Variants in PLAAT5 observed in about 807,000 individuals in gnomAD.
PLAAT5 encodes Ca(2+)-independent N-acyltransferase.
A neutral mutation model predicts 27.8 loss-of-function variants in PLAAT5; 27 were observed. The observed-to-expected ratio is 0.97, with a 90% CI of 0.72 to 1.34. PLAAT5 has a LOEUF of 1.34. Ranked by LOEUF, PLAAT5 falls within the 40% of genes most tolerant of loss-of-function variation. The probability of loss-of-function intolerance (pLI) is 0.00; values close to 1 mark genes in which losing one functional copy is unlikely to be tolerated. For synonymous variants in PLAAT5, 125 were observed against 136.1 expected (o/e 0.92, Z 0.57); for missense variants, 368 against 343.8 (o/e 1.07, Z -0.56).
intron 3 of PLAAT5, among the ~76,000 whole-genome samples, chr11:63,476,606 A>C (rs980140070): frequency 1.3e-5 from 2 of 152,086 alleles, no homozygotes; most frequent in African/African-American, 4.8e-5. Context: ...TCTTGTATAC[A>C]ATAAGTCTTT....
In PLAAT5 at chr11:63,463,351, T is replaced by G; in HGVS notation, c.*152A>C. ...TGGGTCTATGCTCGTATATATTGGA[T>G]GTATTTCTGGAAGGGTAATTGGATA... is the stretch of plus-strand genomic sequence containing the variant. On this transcript the variant is annotated 3_prime_UTR_variant, in exon 6 of 6. Coordinates refer to ENST00000540857, the MANE Select transcript of PLAAT5 (RefSeq NM_001146729.2). 1.4e-6 allele frequency: 1 copy of G among 691,886 alleles called. No individual in the cohort carries two copies. The highest frequency in any genetic ancestry group is 1.6e-5 in the South Asian group (1 of 61,372). The allele number at this position is 691,886 out of a possible 1,614,324, so 42.9% of individuals were successfully genotyped here.
At chr11:63,480,928 C>A (rs1389625272) in intron 3 of PLAAT5, among the ~76,000 whole-genome samples, 1 of 152,184 alleles carries the variant, frequency 6.6e-6, no homozygotes, top group African/African-American at 2.4e-5. Context: ...AATTCGAAAG[C>A]CTTGTCTTCA....
chr11:63,469,956 GC>G (rs1252189595), intron 3 of PLAAT5: 1 of 152,228 alleles, frequency 6.6e-6, no homozygotes, highest in African/African-American at 2.4e-5. Context: ...AGGCTTGGTG[GC>G]ACGCACCTAC....
chr11:63,464,706 GA>G (rs1233768167), intron 5 of PLAAT5, among the ~76,000 whole-genome samples: 1 of 152,148 alleles, frequency 6.6e-6, no homozygotes, highest in African/African-American at 2.4e-5. Flanking sequence ...TCATCTCATG[GA>G]GTTTTAGTAA....
At chr11:63,474,983 A>C (rs2016118507) in intron 3 of PLAAT5, among the ~76,000 whole-genome samples, 1 of 152,044 alleles carries the variant, frequency 6.6e-6, no homozygotes, top group South Asian at 2.1e-4. Flanking sequence ...CTTGGCTATT[A>C]ATTTCTAATT....
At chr11:63,476,143 A>G (rs1179100993) in intron 3 of PLAAT5, among the ~76,000 whole-genome samples, 1 of 152,132 alleles carries the variant, frequency 6.6e-6, no homozygotes, top group African/African-American at 2.4e-5. Flanking sequence ...GCTTCATTTC[A>G]GTCCCTCTCC....
At chr11:63,480,293 G>A (rs930135174) in intron 3 of PLAAT5, among the ~76,000 whole-genome samples, 5 of 152,156 alleles carry the variant, frequency 3.3e-5, no homozygotes, top group African/African-American at 1.2e-4. Flanking sequence ...TCATTGTGAG[G>A]CCAATCTAAG....
rs2015866021 is a variant in PLAAT5, at chr11:63,466,354, C to T, written c.473G>A (p.Gly158Asp). 1 of 1,613,902 alleles carries T rather than the reference C, an allele frequency of 6.2e-7. No homozygotes were observed. The highest frequency in any genetic ancestry group is 8.5e-7 in the Non-Finnish European group (1 of 1,179,988). ...LAPPSEEFEV[G>D]SITSIFSNRA... The stretch of plus-strand genomic sequence containing the variant: ...ATTGCTAAAGATGGAAGTAATGCTG[C>T]CCACCTCAAACTCCTCACCTGGAGA... Residue 158 changes from glycine (G) to aspartate (D), a missense_variant, in exon 5 of 6, where the codon GGC (glycine) becomes GAC (aspartate). Transcript: ENST00000540857.
intron 3 of PLAAT5, among the ~76,000 whole-genome samples, chr11:63,484,141 T>C (rs1319593328): frequency 4.7e-5 from 7 of 150,066 alleles, no homozygotes; most frequent in Admixed American, 4.6e-4. Context: ...ACAGTAATTT[T>C]TAAAAATGCC....
chr11:63,477,981 C>T (rs1328418065), intron 3 of PLAAT5, among the ~76,000 whole-genome samples: 3 of 152,224 alleles, frequency 2.0e-5, no homozygotes, highest in Non-Finnish European at 4.4e-5. Context: ...GACCACCAGA[C>T]ACATGTGGCA....
At chr11:63,466,820 G>A (rs1415333180) in intron 4 of PLAAT5, among the ~76,000 whole-genome samples, 2 of 152,144 alleles carry the variant, frequency 1.3e-5, no homozygotes, top group African/African-American at 2.4e-5. Flanking sequence ...GCTGCCACAG[G>A]GACACAGGGG....
chr11:63,477,986 G>C (rs2016192469), intron 3 of PLAAT5, among the ~76,000 whole-genome samples: 1 of 152,178 alleles, frequency 6.6e-6, no homozygotes, highest in Admixed American at 6.5e-5. Context: ...CCAGACACAT[G>C]TGGCAGCTTT....
Position 63,466,213 on chromosome 11 carries a change from C to T in PLAAT5, c.614G>A (p.Arg205His), listed in dbSNP as rs199850890. 47 of 1,614,074 alleles carry T rather than the reference C, an allele frequency of 2.9e-5. No individual in the cohort carries two copies. The highest frequency in any genetic ancestry group is 3.3e-4 in the Middle Eastern group (2 of 6,062). The change falls in exon 5 of 6, where the codon CGT (arginine) becomes CAT (histidine). Residue 205 changes from arginine (R) to histidine (H), a missense_variant. By Grantham distance (29) the Arg-to-His change is conservative. Transcript: ENST00000540857. ...GATCTTGTTGACCATCTTTTTTGTACGCTGGATGATCTTGTCCACCGGCAA... is the reference window on the plus strand; with the variant it reads ...GATCTTGTTGACCATCTTTTTTGTATGCTGGATGATCTTGTCCACCGGCAA... Reference protein sequence around the residue: ...LPLPVDKIIQRTKKMVNKIVQ... With the variant: ...LPLPVDKIIQHTKKMVNKIVQ...
intron 4 of PLAAT5, among the ~76,000 whole-genome samples, chr11:63,467,988 G>A (rs562881543): frequency 4.6e-5 from 7 of 152,330 alleles, no homozygotes; most frequent in African/African-American, 1.4e-4. Context: ...AACAAATGAC[G>A]ATCAGAACAT....
In PLAAT5 at chr11:63,462,789, T is replaced by C. The variant is rs2120190224; in HGVS notation, c.*714A>G. 6.6e-6 allele frequency: 1 copy of C among 152,296 alleles called. No individual in the cohort carries two copies. The highest frequency in any genetic ancestry group is 1.5e-5 in the Non-Finnish European group (1 of 68,026). The allele number at this position is 152,296 out of a possible 1,614,324, so 9.4% of individuals were successfully genotyped here. A position where few individuals can be genotyped will look rare whatever the true frequency, so the allele number is the denominator to read the frequency against. Reference sequence around the variant, plus strand: ...TAAACTTATCAAATTATTTTAAATATTCATCTGAAATCAGTGAGACTAGAA... The same window carrying C: ...TAAACTTATCAAATTATTTTAAATACTCATCTGAAATCAGTGAGACTAGAA... On this transcript the variant is annotated 3_prime_UTR_variant, in exon 6 of 6. Coordinates refer to ENST00000540857, the MANE Select transcript of PLAAT5 (RefSeq NM_001146729.2).
chr11:63,464,395 C>T (rs376813218), intron 5 of PLAAT5, among the ~76,000 whole-genome samples: 58 of 152,154 alleles, frequency 3.8e-4, no homozygotes, highest in Non-Finnish European at 5.0e-4. Context: ...TGGTGGCTCA[C>T]GCCTGTAATC....
In PLAAT5 at chr11:63,490,945, G is replaced by T. The variant is rs757344128; in HGVS notation, c.90C>A (p.Ala30=). ...PPLPKPASRT[A]STGPKDQPPA... The stretch of plus-strand genomic sequence containing the variant: ...GCGGCTGGTCCTTGGGCCCGGTACT[G>T]GCGGTTCGCGAGGCGGGTTTGGGGA... Residue 30 remains alanine, a synonymous_variant, in exon 1 of 6, where the codon GCC becomes GCA. Transcript: ENST00000540857. 1.3e-6 allele frequency: 2 copies of T among 1,598,584 alleles called. No homozygotes were observed. The highest frequency in any genetic ancestry group is 1.1e-5 in the South Asian group (1 of 89,120).
At chr11:63,466,918 A>T (rs2015881918) in intron 4 of PLAAT5, among the ~76,000 whole-genome samples, 1 of 152,164 alleles carries the variant, frequency 6.6e-6, no homozygotes, top group African/African-American at 2.4e-5. Context: ...AAATACGGGG[A>T]TTCTCATTAA....
Position 63,491,079 on chromosome 11 carries a change from A to G in PLAAT5, c.-45T>C, listed in dbSNP as rs531375514. On this transcript the variant is annotated 5_prime_UTR_variant, in exon 1 of 6. Coordinates refer to ENST00000540857, the MANE Select transcript of PLAAT5 (RefSeq NM_001146729.2). ...CGGCCCCCAGGCCTTGCAGGGGACTACGCCCCTGGCGAGTTCCCAGTCGGC... is the reference window on the plus strand; with the variant it reads ...CGGCCCCCAGGCCTTGCAGGGGACTGCGCCCCTGGCGAGTTCCCAGTCGGC... The G allele has an allele frequency of 1.9e-5, 26 of 1,368,024 alleles. 1 individual carries two copies. In the South Asian group the frequency reaches 3.8e-4, roughly 20 times the overall value. 84.7% of individuals were successfully genotyped at this position (1,368,024 alleles called of 1,614,324 possible).
Sources: allele counts gnomAD v4.1 joint callset (sites outside exome capture counted in the v4.1 genomes callset), GRCh38; gene constraint gnomAD v4.1.1; transcripts MANE v1.5; gene names NCBI Gene and HGNC (gene_info 2026-07-23, HGNC 2026-07-21).